The following APBA1 variants were observed in gnomAD, a reference collection of about 807,000 sequenced individuals.
APBA1 encodes the protein amyloid-beta A4 precursor protein-binding family A member 1.
Under a neutral mutation model 86.6 loss-of-function variants are expected in APBA1, and 55 were observed. The ratio of observed to expected loss-of-function variants is 0.64; its 90% confidence interval spans 0.51 to 0.80. APBA1 has a LOEUF of 0.80. Among genes scored for constraint, APBA1 ranks in the 30% least tolerant of loss-of-function variants. The probability of loss-of-function intolerance (pLI) is 0.00; values close to 1 mark genes in which losing one functional copy is unlikely to be tolerated. For missense variants in APBA1, 1,090 were observed against 1,183.0 expected, an observed-to-expected ratio of 0.92 and a Z score of 1.15; for synonymous variants, 511 against 493.9, an observed-to-expected ratio of 1.03 and a Z score of -0.46.
intron 10 of APBA1, among the ~76,000 whole-genome samples, chr9:69,443,394 C>A (rs571148125): frequency 5.3e-5 from 8 of 152,336 alleles, no homozygotes; most frequent in African/African-American, 1.7e-4. Flanking sequence ...ACTAGTCACA[C>A]CTGCAGCCAG....
At chr9:69,651,161 C>CA (rs944582217) in intron 1 of APBA1, among the ~76,000 whole-genome samples, 54 of 151,478 alleles carry the variant, frequency 3.6e-4, no homozygotes, top group African/African-American at 1.1e-3. Flanking sequence ...GAATCTGGAC[C>CA]AAAAAAAATG....
At chr9:69,460,490 G>GT (rs1280091961) in intron 5 of APBA1, among the ~76,000 whole-genome samples, 2 of 152,042 alleles carry the variant, frequency 1.3e-5, no homozygotes, top group Admixed American at 6.6e-5. Flanking sequence ...TTTAATGTTT[G>GT]TTTTTTACTT....
chr9:69,456,962 T>C, intron 7 of APBA1, 91 bp downstream of exon 7: 2 of 1,114,572 alleles, frequency 1.8e-6, no homozygotes, highest in Non-Finnish European at 1.4e-6. Context: ...ACAGCTGCTC[T>C]ACAGACACAT....
chr9:69,563,917 T>C (rs2133941100), intron 1 of APBA1, among the ~76,000 whole-genome samples: 1 of 152,252 alleles, frequency 6.6e-6, no homozygotes, highest in Non-Finnish European at 1.5e-5. Context: ...AACAGTGCAG[T>C]CTCTCCTCAA....
At chr9:69,492,095 T>C (rs1361530961) in intron 2 of APBA1, among the ~76,000 whole-genome samples, 1 of 152,124 alleles carries the variant, frequency 6.6e-6, no homozygotes, top group East Asian at 1.9e-4. Context: ...TTTTATATTG[T>C]GGCCTAACAA....
At chr9:69,498,056 G>A (rs188571241) in intron 2 of APBA1, among the ~76,000 whole-genome samples, 34 of 152,182 alleles carry the variant, frequency 2.2e-4, no homozygotes, top group African/African-American at 7.7e-4. Flanking sequence ...AGCCTCTTGG[G>A]TAATCTCCTC....
At chr9:69,643,627 C>T (rs1396731077) in intron 1 of APBA1, among the ~76,000 whole-genome samples, 3 of 152,158 alleles carry the variant, frequency 2.0e-5, no homozygotes, top group African/African-American at 4.8e-5. Context: ...CAGCCCAGCC[C>T]TGCCTGGACT....
intron 1 of APBA1, among the ~76,000 whole-genome samples, chr9:69,620,042 AC>A (rs1822784242): frequency 1.3e-5 from 2 of 152,188 alleles, no homozygotes; most frequent in African/African-American, 4.8e-5. Flanking sequence ...TGAACTGAAA[AC>A]AGTCTTCCCT....
At chr9:69,501,687 G>A (rs976213973) in intron 2 of APBA1, among the ~76,000 whole-genome samples, 2 of 150,450 alleles carry the variant, frequency 1.3e-5, no homozygotes, top group African/African-American at 4.9e-5. Flanking sequence ...CACTAGCTGG[G>A]CATGATGGTA....
At chr9:69,440,775 G>A (rs964718363) in intron 11 of APBA1, among the ~76,000 whole-genome samples, 2 of 152,130 alleles carry the variant, frequency 1.3e-5, no homozygotes, top group African/African-American at 4.8e-5. Flanking sequence ...TGCACAGTGC[G>A]CTGCACCCAC....
intron 1 of APBA1, among the ~76,000 whole-genome samples, chr9:69,554,049 C>T (rs1836825988): frequency 2.0e-5 from 3 of 152,130 alleles, no homozygotes; most frequent in Admixed American, 1.3e-4. Context: ...TGGAAAAACT[C>T]ATCCAGATTA....
intron 2 of APBA1, among the ~76,000 whole-genome samples, chr9:69,512,867 A>G (rs574164737): frequency 6.6e-6 from 1 of 152,314 alleles, no homozygotes; most frequent in Admixed American, 6.5e-5. Flanking sequence ...TTCAGATCAC[A>G]TGGTTTTAAA....
chr9:69,492,040 C>T (rs1185568732), intron 2 of APBA1, among the ~76,000 whole-genome samples: 5 of 152,098 alleles, frequency 3.3e-5, no homozygotes, highest in East Asian at 1.9e-4. Context: ...GCTGGGATTA[C>T]AGGCATGAGC....
chr9:69,486,212 A>G (rs1564051677), intron 2 of APBA1, among the ~76,000 whole-genome samples: 1 of 152,050 alleles, frequency 6.6e-6, no homozygotes, highest in African/African-American at 2.4e-5. Flanking sequence ...TTGGCCTCCC[A>G]AAGTGCTGGG....
chr9:69,631,224 C>T (rs920576768), intron 1 of APBA1, among the ~76,000 whole-genome samples: 19 of 152,252 alleles, frequency 1.2e-4, no homozygotes, highest in Middle Eastern at 3.4e-3. Context: ...AATCAAACAA[C>T]CCCATCAAAA....
At chr9:69,582,601 A>G (rs941348141) in intron 1 of APBA1, among the ~76,000 whole-genome samples, 7 of 152,004 alleles carry the variant, frequency 4.6e-5, no homozygotes, top group Non-Finnish European at 8.8e-5. Flanking sequence ...AATACCACTG[A>G]TTTGTCCTGC....
At chr9:69,564,884 A>T (rs936011396) in intron 1 of APBA1, among the ~76,000 whole-genome samples, 1 of 152,240 alleles carries the variant, frequency 6.6e-6, no homozygotes, top group East Asian at 1.9e-4. Context: ...TCTTAGCAGC[A>T]TTATTCACAA....
At chr9:69,464,673 AC>A (rs1157658015) in intron 5 of APBA1, 1 of 152,214 alleles carries the variant, frequency 6.6e-6, no homozygotes, top group African/African-American at 2.4e-5. Context: ...TCTATAGGAC[AC>A]CACTTTGGAA....
At chr9:69,631,450 T>A (rs1823042673) in intron 1 of APBA1, among the ~76,000 whole-genome samples, 2 of 152,246 alleles carry the variant, frequency 1.3e-5, no homozygotes, top group Admixed American at 1.3e-4. Context: ...ACTTTTACAC[T>A]GTTGGTGGGA....
Sources: gnomAD v4.1 joint callset for allele counts (sites outside exome capture counted in the v4.1 genomes callset) on GRCh38, gnomAD v4.1.1 for gene constraint, MANE v1.5 for transcripts, NCBI Gene and HGNC (gene_info 2026-07-23, HGNC 2026-07-21) for gene names.